The following RBMS3 variants were observed in gnomAD, a reference collection of about 807,000 sequenced individuals.
RBMS3 encodes RNA binding motif single stranded interacting protein 3.
A neutral mutation model predicts 66.8 loss-of-function variants in RBMS3; 27 were observed. That is an observed-to-expected ratio of 0.40 (90% CI 0.30 to 0.56). The LOEUF (loss-of-function observed/expected upper bound fraction) is 0.56, where lower values mean the gene tolerates loss of function less well. RBMS3 is among the 20% of genes least tolerant of loss of function. The pLI is 0.40. For synonymous variants in RBMS3, 188 were observed against 183.0 expected (o/e 1.03, Z -0.22); for missense variants, 513 against 549.5 (o/e 0.93, Z 0.66).
intron 2 of RBMS3, among the ~76,000 whole-genome samples, chr3:29,469,664 C>CGTATAT (rs2042654522): frequency 6.7e-6 from 1 of 148,260 alleles, no homozygotes; most frequent in African/African-American, 2.5e-5. Context: ...AAAACTAAAC[C>CGTATAT]ATATATATAT....
At chr3:29,574,829 ACACACAC>A in intron 3 of RBMS3, among the ~76,000 whole-genome samples, 1 of 51,836 alleles carries the variant, frequency 1.9e-5, no homozygotes, top group African/African-American at 1.3e-4. Context: ...GCATAAGAAA[ACACACAC>A]ACACACACAC....
intron 11 of RBMS3, among the ~76,000 whole-genome samples, chr3:29,941,711 A>G (rs1175916218): frequency 2.0e-5 from 3 of 151,812 alleles, no homozygotes; most frequent in Non-Finnish European, 2.9e-5. Context: ...AAAAGCCTCA[A>G]TAGATAAAAT....
intron 5 of RBMS3, among the ~76,000 whole-genome samples, chr3:29,741,335 G>T (rs2054634918): frequency 1.3e-5 from 2 of 152,192 alleles, no homozygotes; most frequent in African/African-American, 2.4e-5. Context: ...GACAACTGTT[G>T]ATTTTCATGG....
At chr3:29,666,991 T>C (rs2050791501) in intron 4 of RBMS3, among the ~76,000 whole-genome samples, 1 of 152,148 alleles carries the variant, frequency 6.6e-6, no homozygotes, top group African/African-American at 2.4e-5. Flanking sequence ...AAAAACAGTT[T>C]TACTGCCCTG....
At chr3:29,944,357 G>T in intron 12 of RBMS3, 103 bp downstream of exon 12, 1 of 979,080 alleles carries the variant, frequency 1.0e-6, no homozygotes, top group East Asian at 2.5e-5. Flanking sequence ...AACAGAGGTG[G>T]GTGCAGGAAA....
At chr3:29,543,461 C>A (rs930466176) in intron 3 of RBMS3, among the ~76,000 whole-genome samples, 7 of 152,174 alleles carry the variant, frequency 4.6e-5, no homozygotes, top group African/African-American at 1.7e-4. Context: ...GTAATCCCAG[C>A]ACTTTGGGAG....
At chr3:29,679,600 C>T (rs2051400357) in intron 4 of RBMS3, among the ~76,000 whole-genome samples, 1 of 151,888 alleles carries the variant, frequency 6.6e-6, no homozygotes. Flanking sequence ...AAGCAGTGAA[C>T]CCTTGATACT....
intron 1 of RBMS3, among the ~76,000 whole-genome samples, chr3:29,408,940 G>T (rs545296558): frequency 5.3e-4 from 81 of 152,232 alleles, no homozygotes; most frequent in Non-Finnish European, 8.7e-4. Flanking sequence ...GTCTGCTATT[G>T]CAGTCAGGAT....
At chr3:29,310,100 G>C (rs757379719) in intron 1 of RBMS3, among the ~76,000 whole-genome samples, 1 of 151,576 alleles carries the variant, frequency 6.6e-6, no homozygotes, top group African/African-American at 2.4e-5. Flanking sequence ...TGGGTCGAGG[G>C]GGCAGATATT....
chr3:29,394,889 C>T (rs769695489), intron 1 of RBMS3, among the ~76,000 whole-genome samples: 33 of 152,158 alleles, frequency 2.2e-4, no homozygotes, highest in African/African-American at 5.8e-4. Context: ...TTTTCCACTC[C>T]GCATTCCACC....
At chr3:29,628,051 T>A (rs2049136619) in intron 4 of RBMS3, among the ~76,000 whole-genome samples, 1 of 152,134 alleles carries the variant, frequency 6.6e-6, no homozygotes, top group Non-Finnish European at 1.5e-5. Flanking sequence ...AATTACCGGA[T>A]TAAAAACCCA....
At chr3:29,500,824 G>C (rs990930207) in intron 3 of RBMS3, among the ~76,000 whole-genome samples, 1 of 150,688 alleles carries the variant, frequency 6.6e-6, no homozygotes, top group East Asian at 1.9e-4. Context: ...AATTACATGT[G>C]TATGTCAGTA....
At chr3:29,675,722 A>T (rs899349191) in intron 4 of RBMS3, among the ~76,000 whole-genome samples, 20 of 152,230 alleles carry the variant, frequency 1.3e-4, no homozygotes, top group African/African-American at 4.8e-4. Context: ...TCAAAACCAC[A>T]ATGAGATTCC....
chr3:29,297,678 T>C (rs963236184), intron 1 of RBMS3, among the ~76,000 whole-genome samples: 2 of 151,898 alleles, frequency 1.3e-5, no homozygotes, highest in African/African-American at 4.8e-5. Flanking sequence ...ATTGGAAAGT[T>C]GTCTGGTTCT....
rs534823231 is a variant in RBMS3, at chr3:29,564,185, AT to A, written c.308-22921del. On this transcript the variant is annotated intron_variant, in intron 3 of 14. Transcript: ENST00000383767. ...ATGTAGCTAATCTATATTACAATAA[AT>A]TTTTTTTAGGCCAGGAGCAGGGGCT... Among the ~76,000 whole-genome samples, 682 of 152,020 alleles carry A rather than the reference AT, an allele frequency of 4.5e-3. 10 individuals are homozygous for A. Among genetic ancestry groups the A allele is most frequent in the African/African-American group, 0.015 (616 of 41,490 alleles).
At chr3:29,775,714 G>A (rs1275338242) in intron 6 of RBMS3, among the ~76,000 whole-genome samples, 1 of 151,984 alleles carries the variant, frequency 6.6e-6, no homozygotes, top group Non-Finnish European at 1.5e-5. Flanking sequence ...CATATCTTAA[G>A]TACGTACGAC....
chr3:29,694,862 A>T (rs1371843), intron 4 of RBMS3, among the ~76,000 whole-genome samples: 70,866 of 133,758 alleles, frequency 0.53, 16,972 homozygotes, highest in Middle Eastern at 0.58. Context: ...ATTTTTTTTT[A>T]AAAAAAAAAT....
intron 6 of RBMS3, among the ~76,000 whole-genome samples, chr3:29,859,166 A>T (rs1456611494): frequency 3.9e-5 from 6 of 152,212 alleles, no homozygotes; most frequent in Non-Finnish European, 8.8e-5. Context: ...TGAGCCTGAC[A>T]CTTATAAATA....
chr3:29,701,787 C>G (rs569807391), intron 4 of RBMS3, among the ~76,000 whole-genome samples: 1 of 152,214 alleles, frequency 6.6e-6, no homozygotes, highest in Non-Finnish European at 1.5e-5. Flanking sequence ...GAATTCTCAC[C>G]GGGCCTCAGC....
Sources: gnomAD v4.1 joint callset for allele counts (sites outside exome capture counted in the v4.1 genomes callset) on GRCh38, gnomAD v4.1.1 for gene constraint, MANE v1.5 for transcripts, NCBI Gene and HGNC (gene_info 2026-07-23, HGNC 2026-07-21) for gene names.